Variants in MKRN2OS observed in about 807,000 individuals in gnomAD.
MKRN2OS encodes MKRN2 opposite strand protein.
Under a neutral mutation model 18.2 loss-of-function variants are expected in MKRN2OS, and 17 were observed. The ratio of observed to expected loss-of-function variants is 0.93; its 90% CI spans 0.64 to 1.40. The LOEUF is 1.40. Among genes scored for constraint, MKRN2OS ranks in the 40% most tolerant of loss-of-function variants. The pLI is 0.00. For synonymous variants in MKRN2OS, 121 were observed against 108.5 expected, an observed-to-expected ratio of 1.12 and a Z score of -0.72; for missense variants, 337 against 283.0, an observed-to-expected ratio of 1.19 and a Z score of -1.37.
chr3:12,551,410 A>C (rs2057928608), downstream of MKRN2OS, among the ~76,000 whole-genome samples: 1 of 151,656 alleles, frequency 6.6e-6, no homozygotes, highest in African/African-American at 2.4e-5. Context: ...CAGGAGAATC[A>C]CTTAAACCTG....
At chr3:12,555,231 G>C (rs1315500523) in intron 1 of MKRN2OS, among the ~76,000 whole-genome samples, 1 of 147,706 alleles carries the variant, frequency 6.8e-6, no homozygotes, top group African/African-American at 2.5e-5. Flanking sequence ...AGAATCGCTT[G>C]AACACGGGAG....
Position 12,539,952 on chromosome 3 carries a change from A to G in MKRN2OS, c.*241T>C, listed in dbSNP as rs1159300480. On this transcript the variant is annotated 3_prime_UTR_variant, in exon 4 of 4. Coordinates refer to ENST00000564146, the MANE Select transcript of MKRN2OS (RefSeq NM_001195279.2). ...AGGCATGCGCCACCATGCCCAGCTA[A>G]TTTTATATTTTTAGTAAGGACGGGG... The G allele has an allele frequency of 2.5e-5, 12 of 474,464 alleles. No individual in the cohort carries two copies. The highest frequency in any genetic ancestry group is 2.5e-4 in the South Asian group (11 of 44,874). The allele number at this position is 474,464 out of a possible 1,614,324, so 29.4% of individuals were successfully genotyped here.
upstream of MKRN2OS, among the ~76,000 whole-genome samples, chr3:12,547,153 T>C (rs2125292598): frequency 6.6e-6 from 1 of 152,166 alleles, no homozygotes; most frequent in South Asian, 2.1e-4. Flanking sequence ...CATAAAAATA[T>C]TTGGAAAAAA....
chr3:12,551,194 T>TAA (rs56389348), downstream of MKRN2OS, among the ~76,000 whole-genome samples: 40 of 136,898 alleles, frequency 2.9e-4, no homozygotes, highest in East Asian at 1.6e-3. Flanking sequence ...TACACTTTAT[T>TAA]AAAAAAAAAA....
rs114835237 is a variant in MKRN2OS, at chr3:12,554,670, G to A, written n.265-536C>T. On this transcript the variant is annotated intron_variant and non_coding_transcript_variant, in intron 1 of 1. Transcript: ENST00000447550. ...ACAACGGAATACTATACAGTTCTAC[G>A]AAAGGAGGAAGAGGCTCTATGTACT... Among the ~76,000 whole-genome samples the A allele has an allele frequency of 7.9e-3, 1,198 of 152,148 alleles. 22 individuals are homozygous for A. Among genetic ancestry groups the A allele is most frequent in the African/African-American group, 0.028 (1,148 of 41,516 alleles).
upstream of MKRN2OS, among the ~76,000 whole-genome samples, chr3:12,550,429 A>T (rs909015645): frequency 6.6e-6 from 1 of 152,190 alleles, no homozygotes; most frequent in Non-Finnish European, 1.5e-5. Context: ...GACGGAAGGG[A>T]GGGATAAATA....
intron 1 of MKRN2OS, among the ~76,000 whole-genome samples, chr3:12,559,634 T>A (rs1281534398): frequency 6.6e-6 from 1 of 152,170 alleles, no homozygotes; most frequent in Non-Finnish European, 1.5e-5. Context: ...CACTCCATGT[T>A]TTTATTGCCT....
intron 1 of MKRN2OS, among the ~76,000 whole-genome samples, chr3:12,557,459 C>G (rs1197201373): frequency 2.0e-5 from 3 of 152,326 alleles, no homozygotes; most frequent in South Asian, 2.1e-4. Context: ...TAGCCAGGGC[C>G]GTGCAGGATG....
upstream of MKRN2OS, chr3:12,545,657 G>A (rs1668427282): frequency 2.4e-6 from 1 of 414,904 alleles, no homozygotes; most frequent in Non-Finnish European, 4.2e-6. Flanking sequence ...TAAAGAGCTA[G>A]TTTCTATTTG....
rs1044988969 is a variant in MKRN2OS, at chr3:12,541,790, A to C, written c.431+70T>G. On this transcript the variant is annotated intron_variant, in intron 3 of 3. Coordinates refer to ENST00000564146, the MANE Select transcript of MKRN2OS (RefSeq NM_001195279.2). ...GTGCTGCTGAGTCCTCTGTGAGCTG[A>C]GGCTACACGGGGATCCCACTTGCAT... is the stretch of plus-strand genomic sequence containing the variant. 45 of 1,451,874 alleles carry C rather than the reference A, an allele frequency of 3.1e-5. No individual in the cohort carries two copies. The Middle Eastern group carries it at 7.1e-4, about 23-fold the overall frequency. 89.9% of individuals were successfully genotyped at this position (1,451,874 alleles called of 1,614,324 possible).
chr3:12,556,212 A>T (rs2057968928), intron 1 of MKRN2OS, among the ~76,000 whole-genome samples: 1 of 152,118 alleles, frequency 6.6e-6, no homozygotes, highest in South Asian at 2.1e-4. Context: ...ATGGCTGGCC[A>T]GGCGTGCACG....
chr3:12,559,394 C>T lies in MKRN2OS; in HGVS notation n.264+1363G>A, dbSNP rs557332533. On this transcript the variant is annotated intron_variant and non_coding_transcript_variant, in intron 1 of 1. Coordinates refer to the MKRN2OS transcript ENST00000447550. ...TTCAAGGTATGATTTATTTTGGGGA[C>T]CAGATCTAAGCAGCGTGTGCGGTTT... Among the ~76,000 whole-genome samples, 3 of 152,090 alleles carry T rather than the reference C, an allele frequency of 2.0e-5. No homozygotes were observed. In the South Asian group the frequency reaches 6.2e-4, roughly 32 times the overall value.
chr3:12,560,995 G>A (rs2450855), exon 1 of MKRN2OS: 73,148 of 152,066 alleles, frequency 0.48, 18,957 homozygotes, highest in African/African-American at 0.67. Context: ...GGACAAGCAG[G>A]ATGTGCTCTA....
Position 12,540,440 on chromosome 3 carries a change from GA to G in MKRN2OS, c.432-8del. 6.5e-7 allele frequency: 1 copy of G among 1,536,120 alleles called. No individual in the cohort carries two copies. Among genetic ancestry groups the G allele is most frequent in the Non-Finnish European group, 8.7e-7 (1 of 1,146,910 alleles). On this transcript the variant is annotated splice_polypyrimidine_tract_variant and splice_region_variant and intron_variant, in intron 3 of 3. Transcript: ENST00000564146. The stretch of plus-strand genomic sequence containing the variant: ...ATGGTGGTTGTCTTCATACCTTATG[GA>G]GGAGAATAAGGGTGTTGAGAAGAAA...
chr3:12,544,491 C>T (rs2125290920), intron 1 of MKRN2OS, among the ~76,000 whole-genome samples: 1 of 152,090 alleles, frequency 6.6e-6, no homozygotes, highest in Admixed American at 6.5e-5. Flanking sequence ...GCCTGGCCAA[C>T]ATGGTGAAAC....
chr3:12,548,736 G>C (rs1364727453), upstream of MKRN2OS, among the ~76,000 whole-genome samples: 1 of 152,044 alleles, frequency 6.6e-6, no homozygotes, highest in African/African-American at 2.4e-5. Context: ...AACACCAAGA[G>C]GTATTGTTAA....
At position 12,542,141 on chromosome 3, in the gene MKRN2OS, G is replaced by A. The variant is rs2057823711; in HGVS notation, c.269-119C>T. On this transcript the variant is annotated intron_variant, in intron 2 of 3. Coordinates refer to ENST00000564146, the MANE Select transcript of MKRN2OS (RefSeq NM_001195279.2). ...CTTTACGTAACATAAATCCAGGGTG[G>A]AGGTTCTAGAATCTTCCATCCACCT... 2.0e-5 allele frequency: 21 copies of A among 1,053,670 alleles called. 1 individual carries two copies. The South Asian group carries it at 3.6e-4, about 18-fold the overall frequency. 65.3% of individuals were successfully genotyped at this position (1,053,670 alleles called of 1,614,324 possible).
At chr3:12,544,230 G>A (rs1045719152) in intron 1 of MKRN2OS, among the ~76,000 whole-genome samples, 3 of 152,178 alleles carry the variant, frequency 2.0e-5, no homozygotes, top group Non-Finnish European at 4.4e-5. Context: ...GAAGTTAGGA[G>A]GGTAAACTCT....
intron 1 of MKRN2OS, among the ~76,000 whole-genome samples, chr3:12,558,821 A>G (rs2058008018): frequency 6.6e-6 from 1 of 152,200 alleles, no homozygotes; most frequent in Non-Finnish European, 1.5e-5. Flanking sequence ...CTTCTGTTTA[A>G]GTGTTTAGTC....
Sources: gnomAD v4.1 joint callset for allele counts (sites outside exome capture counted in the v4.1 genomes callset) on GRCh38, gnomAD v4.1.1 for gene constraint, MANE v1.5 for transcripts, NCBI Gene and HGNC (gene_info 2026-07-23, HGNC 2026-07-21) for gene names.